The following CAPN13 variants were observed in gnomAD, a reference collection of about 807,000 sequenced individuals.
CAPN13 encodes the protein calpain-13.
CAPN13 carries 90 observed loss-of-function variants against 98.4 expected under a neutral mutation model. The observed-to-expected ratio is 0.92, with a 90% CI of 0.77 to 1.09. CAPN13 has a LOEUF of 1.09. CAPN13 is among the 50% of genes least tolerant of loss of function. The pLI, the probability that CAPN13 is intolerant of heterozygous loss-of-function variation, is 0.00. For synonymous variants in CAPN13, 330 were observed against 305.5 expected (o/e 1.08, Z -0.84); for missense variants, 887 against 841.3 (o/e 1.05, Z -0.67).
chr2:30,784,206 A>G (rs1017547074), intron 2 of CAPN13, among the ~76,000 whole-genome samples: 2 of 151,906 alleles, frequency 1.3e-5, no homozygotes, highest in African/African-American at 4.8e-5. Flanking sequence ...AAAGCAGAAC[A>G]TGAGAAGAAA....
chr2:30,766,732 C>G (rs1673130863), intron 5 of CAPN13, among the ~76,000 whole-genome samples: 1 of 152,212 alleles, frequency 6.6e-6, no homozygotes, highest in African/African-American at 2.4e-5. Flanking sequence ...AGAGAAGATG[C>G]TGAAATGCTG....
At chr2:30,748,783 C>A (rs1287968175) in intron 11 of CAPN13, among the ~76,000 whole-genome samples, 1 of 152,164 alleles carries the variant, frequency 6.6e-6, no homozygotes, top group Non-Finnish European at 1.5e-5. Context: ...AAGAGATATT[C>A]TTTGATATCA....
intron 3 of CAPN13, among the ~76,000 whole-genome samples, 195 bp from the exon 4 acceptor site, chr2:30,776,240 G>A (rs960630832): frequency 2.6e-5 from 4 of 152,106 alleles, no homozygotes; most frequent in African/African-American, 9.7e-5. Context: ...GGGCAGTGGT[G>A]GTGGTGGTGT....
chr2:30,751,945 G>A (rs1177232715), intron 10 of CAPN13, among the ~76,000 whole-genome samples: 2 of 152,198 alleles, frequency 1.3e-5, no homozygotes, highest in Non-Finnish European at 2.9e-5. Context: ...TTTTTCCATT[G>A]TAACGTATTA....
rs529956645 is a variant in CAPN13 at position 30,799,093 on chromosome 2, CAG to C, written c.-33+8207_-33+8208del. 1.9e-3 allele frequency among the ~76,000 whole-genome samples: 291 copies of C among 149,464 alleles called. 1 individual carries two copies. The highest frequency in any genetic ancestry group is 5.4e-3 in the African/African-American group (217 of 40,422). On this transcript the variant is annotated intron_variant, in intron 1 of 22. Coordinates refer to ENST00000295055, the MANE Select transcript of CAPN13 (RefSeq NM_144575.3). ...AGGGCTTTGAGGAGAGAGAGGGAGACAGAGAGAGAATGAAGCAGAGAGAGAGA... is the reference window on the plus strand; with the variant it reads ...AGGGCTTTGAGGAGAGAGAGGGAGACAGAGAGAATGAAGCAGAGAGAGAGA...
Position 30,770,318 on chromosome 2 carries a change from A to G in CAPN13, c.519T>C (p.Tyr173=), listed in dbSNP as rs754947528. 4.6e-5 allele frequency: 74 copies of G among 1,613,710 alleles called. No homozygotes were observed. The East Asian group carries it at 1.4e-3, about 31-fold the overall frequency. Residue 173 remains tyrosine (Y), a synonymous_variant, in exon 5 of 23, where the codon TAT becomes TAC. Transcript: ENST00000295055. ...GGTGGCGGGGTTGTACTTACTTGGC[A>G]TAGGCCTTCTCCAGCAGGCAGGGCC... ...EFWPCLLEKA[Y]AKLLGSYSDL...
intron 6 of CAPN13, among the ~76,000 whole-genome samples, chr2:30,763,846 G>A (rs1218421834): frequency 1.3e-5 from 2 of 152,206 alleles, no homozygotes; most frequent in African/African-American, 4.8e-5. Context: ...AGGCTCTGGC[G>A]CAGCAGCATT....
At chr2:30,754,470 G>A (rs1317804523) in intron 8 of CAPN13, 106 bp from the exon 9 acceptor site, 1 of 878,796 alleles carries the variant, frequency 1.1e-6, no homozygotes, top group East Asian at 3.1e-5. Context: ...TTCCTGGGGA[G>A]CACAGGGCAA....
At chr2:30,739,644 C>T (rs1671553459) in intron 15 of CAPN13, among the ~76,000 whole-genome samples, 1 of 152,162 alleles carries the variant, frequency 6.6e-6, no homozygotes, top group Non-Finnish European at 1.5e-5. Context: ...AGTTAGCATG[C>T]TAATGAGGAG....
At chr2:30,735,524 T>C (rs17010108) in intron 18 of CAPN13, among the ~76,000 whole-genome samples, 16,179 of 152,232 alleles carry the variant, frequency 0.11, 1,290 homozygotes, top group African/African-American at 0.22. Context: ...CAGTCATTGA[T>C]TCAGCATTTT....
At chr2:30,771,890 G>A (rs138753293) in intron 4 of CAPN13, among the ~76,000 whole-genome samples, 1 of 152,330 alleles carries the variant, frequency 6.6e-6, no homozygotes, top group East Asian at 1.9e-4. Context: ...GATCACAAAA[G>A]GTGAGATTAT....
intron 1 of CAPN13, among the ~76,000 whole-genome samples, chr2:30,800,184 G>GAA (rs1266864231): frequency 4.7e-5 from 7 of 148,794 alleles, no homozygotes; most frequent in Non-Finnish European, 7.5e-5. Context: ...AAGAAAGAAA[G>GAA]AAAGAAAACT....
chr2:30,728,019 G>C (rs1188731530), intron 22 of CAPN13, among the ~76,000 whole-genome samples: 1 of 151,820 alleles, frequency 6.6e-6, no homozygotes, highest in Non-Finnish European at 1.5e-5. Context: ...GATGAATCCT[G>C]ACAGCATTAC....
intron 5 of CAPN13, among the ~76,000 whole-genome samples, chr2:30,770,019 C>T (rs1360574438): frequency 2.6e-5 from 4 of 152,198 alleles, no homozygotes; most frequent in Admixed American, 2.0e-4. Context: ...GCGCTCTCAT[C>T]GGACTTTGAC....
chr2:30,733,676 C>A (rs1409650601), intron 19 of CAPN13, among the ~76,000 whole-genome samples: 4 of 152,134 alleles, frequency 2.6e-5, no homozygotes, highest in Non-Finnish European at 4.4e-5. Flanking sequence ...AGGATCCAGG[C>A]TACAGGTGGG....
At chr2:30,751,359 T>C (rs1244925359) in intron 10 of CAPN13, 108 bp from the exon 11 acceptor site, 3 of 1,218,600 alleles carry the variant, frequency 2.5e-6, no homozygotes, top group African/African-American at 3.0e-5. Context: ...GAACTCTGGA[T>C]TGGAGACCTA....
intron 5 of CAPN13, among the ~76,000 whole-genome samples, chr2:30,765,903 T>C (rs1042137936): frequency 2.0e-5 from 3 of 152,212 alleles, no homozygotes; most frequent in Admixed American, 6.5e-5. Context: ...ATCCTCCTGC[T>C]CTCCCTCTCT....
chr2:30,765,284 G>A (rs1321855526), intron 5 of CAPN13, among the ~76,000 whole-genome samples: 1 of 152,194 alleles, frequency 6.6e-6, no homozygotes, highest in South Asian at 2.1e-4. Flanking sequence ...AGCTCACAGA[G>A]GATATGGAAC....
chr2:30,742,195 T>A (rs1044829550), intron 14 of CAPN13, 131 bp downstream of exon 14: 34 of 1,201,920 alleles, frequency 2.8e-5, no homozygotes, highest in Non-Finnish European at 3.8e-5. Context: ...CTTTGAGCCT[T>A]CATCGGCCTA....
Sources: gnomAD v4.1 joint callset for allele counts (sites outside exome capture counted in the v4.1 genomes callset) on GRCh38, gnomAD v4.1.1 for gene constraint, MANE v1.5 for transcripts, NCBI Gene and HGNC (gene_info 2026-07-23, HGNC 2026-07-21) for gene names.